Variants in ASIC2 observed in about 807,000 individuals in gnomAD.
ASIC2 encodes acid sensing ion channel subunit 2.
A neutral mutation model predicts 57.3 loss-of-function variants in ASIC2; 25 were observed. The observed-to-expected ratio is 0.44, with a 90% confidence interval of 0.32 to 0.61. The LOEUF is 0.61. ASIC2 is among the 20% of genes least tolerant of loss of function. The probability of loss-of-function intolerance (pLI) is 0.06; values close to 1 mark genes in which losing one functional copy is unlikely to be tolerated. For synonymous variants in ASIC2, 319 were observed against 307.5 expected (o/e 1.04, Z -0.39); for missense variants, 641 against 738.1 (o/e 0.87, Z 1.52).
intron 1 of ASIC2, among the ~76,000 whole-genome samples, chr17:33,265,635 G>A (rs1045331218): frequency 9.9e-5 from 15 of 152,078 alleles, no homozygotes; most frequent in African/African-American, 2.9e-4. Context: ...AAACCTGCAC[G>A]TCCTGCACAT....
intron 1 of ASIC2, among the ~76,000 whole-genome samples, chr17:33,258,527 G>T (rs76282391): frequency 0.035 from 5,326 of 152,258 alleles, 119 homozygotes; most frequent in Non-Finnish European, 0.055. Flanking sequence ...GAGCGAGGAG[G>T]CAGATGAACA....
At chr17:33,891,162 C>A (rs541702011) in intron 1 of ASIC2, among the ~76,000 whole-genome samples, 1 of 152,312 alleles carries the variant, frequency 6.6e-6, no homozygotes, top group African/African-American at 2.4e-5. Flanking sequence ...CACATCTGAA[C>A]AGGGAATTAG....
chr17:34,130,375 C>G (rs1911916158), intron 1 of ASIC2, among the ~76,000 whole-genome samples: 1 of 152,184 alleles, frequency 6.6e-6, no homozygotes, highest in South Asian at 2.1e-4. Flanking sequence ...GGAGATGCAA[C>G]AGTTATGATT....
At chr17:34,011,588 G>A (rs886123502) in intron 1 of ASIC2, among the ~76,000 whole-genome samples, 31 of 151,948 alleles carry the variant, frequency 2.0e-4, no homozygotes, top group Middle Eastern at 3.4e-3. Context: ...TCCCTTTGCC[G>A]CTGAGCTCCT....
intron 3 of ASIC2, among the ~76,000 whole-genome samples, chr17:33,057,739 C>A (rs1332335550): frequency 5.9e-5 from 9 of 152,220 alleles, no homozygotes; most frequent in Non-Finnish European, 1.3e-4. Flanking sequence ...CAGGGCTGAC[C>A]TCCAGGGCAG....
intron 1 of ASIC2, among the ~76,000 whole-genome samples, chr17:33,138,155 A>C (rs1431526959): frequency 6.6e-6 from 1 of 152,152 alleles, no homozygotes; most frequent in Non-Finnish European, 1.5e-5. Context: ...GGAAAAGCCA[A>C]GATTGAGACT....
In ASIC2 at chr17:33,879,264, C is replaced by A. The variant is rs552374772; in HGVS notation, c.555+276714G>T. On this transcript the variant is annotated intron_variant, in intron 1 of 9. Transcript: ENST00000359872. The stretch of plus-strand genomic sequence containing the variant: ...TCAAATTCACACATAACAATATTAA[C>A]CTTAAATGTAAATGGGCTAAATGCT... Among the ~76,000 whole-genome samples, 873 of 152,244 alleles carry A rather than the reference C, an allele frequency of 5.7e-3. 15 individuals are homozygous for A. The highest frequency in any genetic ancestry group is 0.039 in the South Asian group (190 of 4,824).
intron 1 of ASIC2, among the ~76,000 whole-genome samples, chr17:33,286,094 C>G (rs1359764531): frequency 6.6e-6 from 1 of 152,242 alleles, no homozygotes; most frequent in Non-Finnish European, 1.5e-5. Flanking sequence ...ACTGGACTGC[C>G]TGGCCTAGTG....
intron 1 of ASIC2, among the ~76,000 whole-genome samples, chr17:33,551,849 T>C (rs943049825): frequency 1.3e-5 from 2 of 152,150 alleles, no homozygotes; most frequent in Non-Finnish European, 2.9e-5. Flanking sequence ...ACCTCAGCCA[T>C]TGTTCTCCTC....
chr17:33,199,258 G>A (rs1041202862), intron 1 of ASIC2, among the ~76,000 whole-genome samples: 6 of 152,182 alleles, frequency 3.9e-5, no homozygotes, highest in African/African-American at 1.4e-4. Context: ...GATTTGAAAG[G>A]CAATATTTAA....
intron 1 of ASIC2, among the ~76,000 whole-genome samples, chr17:34,078,238 T>C (rs9899503): frequency 0.2 from 30,870 of 152,100 alleles, 4,243 homozygotes; most frequent in African/African-American, 0.39. Flanking sequence ...ACAGTGAGTT[T>C]CTTCAGAGCA....
intron 1 of ASIC2, among the ~76,000 whole-genome samples, chr17:34,111,706 C>T (rs1002189700): frequency 1.3e-5 from 2 of 152,100 alleles, no homozygotes; most frequent in African/African-American, 4.8e-5. Context: ...GATTCCAATC[C>T]CGTTTCTTCT....
intron 3 of ASIC2, among the ~76,000 whole-genome samples, chr17:33,032,973 A>G (rs941370472): frequency 8.6e-5 from 13 of 152,024 alleles, no homozygotes; most frequent in African/African-American, 3.1e-4. Context: ...GTTTTCATTT[A>G]AATATACAAT....
intron 1 of ASIC2, among the ~76,000 whole-genome samples, chr17:33,550,276 C>T (rs1356734273): frequency 6.6e-6 from 1 of 152,198 alleles, no homozygotes; most frequent in Non-Finnish European, 1.5e-5. Context: ...CTAAAGTCAA[C>T]TTTTAAGGCA....
rs534348157 is a variant in ASIC2, at chr17:33,129,601, G to T, written c.709-17534C>A. 1.1e-4 allele frequency among the ~76,000 whole-genome samples: 17 copies of T among 152,350 alleles called. No homozygotes were observed. The East Asian group carries it at 3.1e-3, about 28-fold the overall frequency. On this transcript the variant is annotated intron_variant, in intron 1 of 9. Transcript: ENST00000225823. ...TAATAATGGTGTGGGTTACAAAGGT[G>T]TATCCCTTTGTGTAGGGTAAACATA... is the stretch of plus-strand genomic sequence containing the variant.
intron 1 of ASIC2, among the ~76,000 whole-genome samples, chr17:33,535,392 C>G (rs1421816306): frequency 2.0e-5 from 3 of 151,884 alleles, no homozygotes; most frequent in Non-Finnish European, 4.4e-5. Flanking sequence ...CCTGCCTCAG[C>G]CTCCCGAGTA....
chr17:33,369,543 C>T (rs1302536006), intron 1 of ASIC2, among the ~76,000 whole-genome samples: 1 of 152,186 alleles, frequency 6.6e-6, no homozygotes, highest in African/African-American at 2.4e-5. Context: ...CACAGGAAGA[C>T]ACTTTAATTG....
chr17:33,059,773 T>A (rs890261221), intron 3 of ASIC2, among the ~76,000 whole-genome samples: 8 of 152,272 alleles, frequency 5.3e-5, no homozygotes, highest in Non-Finnish European at 8.8e-5. Context: ...TACAGTCCCA[T>A]CAACAGTGTA....
chr17:34,033,611 C>G (rs532714737), intron 1 of ASIC2, among the ~76,000 whole-genome samples: 1 of 151,856 alleles, frequency 6.6e-6, no homozygotes, highest in South Asian at 2.1e-4. Flanking sequence ...ATTGATAGAC[C>G]GTTAGCAAGA....
Sources: gnomAD v4.1 joint callset for allele counts (sites outside exome capture counted in the v4.1 genomes callset) on GRCh38, gnomAD v4.1.1 for gene constraint, MANE v1.5 for transcripts, NCBI Gene and HGNC (gene_info 2026-07-23, HGNC 2026-07-21) for gene names.